Variants in GALNT15 observed in about 807,000 individuals in gnomAD.
GALNT15 encodes UDP-GalNAc transferase T15.
GALNT15 carries 67 observed loss-of-function variants against 66.8 expected under a neutral mutation model. The observed-to-expected ratio is 1.00, with a 90% confidence interval of 0.82 to 1.23. The LOEUF (loss-of-function observed/expected upper bound fraction) is 1.23, where lower values mean the gene tolerates loss of function less well. GALNT15 is among the 50% of genes most tolerant of loss of function. The pLI is 0.00. For synonymous variants in GALNT15, 313 were observed against 311.5 expected, an observed-to-expected ratio of 1.00 and a Z score of -0.05; for missense variants, 827 against 804.3, an observed-to-expected ratio of 1.03 and a Z score of -0.34.
chr3:16,201,660 C>T (rs1481535791), intron 3 of GALNT15, among the ~76,000 whole-genome samples: 1 of 152,136 alleles, frequency 6.6e-6, no homozygotes, highest in Non-Finnish European at 1.5e-5. Context: ...TAAGGCCAGT[C>T]CTTGGAAATG....
At chr3:16,202,820 T>A (rs1173881839) in intron 3 of GALNT15, among the ~76,000 whole-genome samples, 2 of 152,196 alleles carry the variant, frequency 1.3e-5, no homozygotes, top group Non-Finnish European at 2.9e-5. Flanking sequence ...ACCATGAAGA[T>A]CATCTTGTCT....
chr3:16,227,660 T>A lies in GALNT15; in HGVS notation c.*160T>A. On this transcript the variant is annotated 3_prime_UTR_variant, in exon 10 of 10. Coordinates refer to ENST00000339732, the MANE Select transcript of GALNT15 (RefSeq NM_054110.5). This position sits in a 1 kb window ranked among gnomAD's most constrained non-coding sequence, Gnocchi z 4.5. ...TGAAAGAATATAGGAAGTTTCTCCT[T>A]TTCACACCTTATTTCATTGACTGCT... 2 of 1,450,020 alleles carry A rather than the reference T, an allele frequency of 1.4e-6. No homozygotes were observed. The highest frequency in any genetic ancestry group is 1.8e-6 in the Non-Finnish European group (2 of 1,111,680). The allele number at this position is 1,450,020 out of a possible 1,614,324, so 89.8% of individuals were successfully genotyped here.
Position 16,188,875 on chromosome 3 carries a change from C to T in GALNT15, c.540-6885C>T, listed in dbSNP as rs1279058301. On this transcript the variant is annotated intron_variant, in intron 1 of 9. Coordinates refer to ENST00000339732, the MANE Select transcript of GALNT15 (RefSeq NM_054110.5). This position sits in a 1 kb window ranked among gnomAD's most constrained non-coding sequence, Gnocchi z 4.6. ...TCTCTGTCCTCACTTCCACCTCCCT[C>T]CTTGTGTCCTCTCTCTCCAAGGTCC... Among the ~76,000 whole-genome samples, 1 of 152,092 alleles carries T rather than the reference C, an allele frequency of 6.6e-6. No homozygotes were observed. Among genetic ancestry groups the T allele is most frequent in the Non-Finnish European group, 1.5e-5 (1 of 68,024 alleles).
chr3:16,192,814 T>C (rs9837560), intron 1 of GALNT15, among the ~76,000 whole-genome samples: 19,995 of 152,246 alleles, frequency 0.13, 2,419 homozygotes, highest in African/African-American at 0.32. Context: ...ACTATAAAAG[T>C]TCATATAAAG....
Position 16,195,997 on chromosome 3 carries a change from A to C in GALNT15, c.706+71A>C. 1 of 1,509,202 alleles carries C rather than the reference A, an allele frequency of 6.6e-7. No individual in the cohort carries two copies. Among genetic ancestry groups the C allele is most frequent in the African/African-American group, 1.4e-5 (1 of 72,104 alleles). 93.5% of individuals were successfully genotyped at this position (1,509,202 alleles called of 1,614,324 possible). Reference sequence around the variant, plus strand: ...CTGGCGGGTGGAGTTCTCAAGCAAAAGATTGAAGTTTGGAACTATTTTAGG... The same window carrying C: ...CTGGCGGGTGGAGTTCTCAAGCAAACGATTGAAGTTTGGAACTATTTTAGG... On this transcript the variant is annotated intron_variant, in intron 2 of 9. Coordinates refer to ENST00000339732, the MANE Select transcript of GALNT15 (RefSeq NM_054110.5). The surrounding 1 kb of genome is among the most constrained non-coding windows in gnomAD (Gnocchi z 4.6).
rs2063398104 is a variant in GALNT15 at position 16,175,559 on chromosome 3, G to A, written c.408G>A (p.Gly136=). ...AGGAAGCCCCAAAGAGGGACTGGGG[G>A]GCTGATGAGGACGGGGAGGTGTCTG... ...QDKEAPKRDW[G]ADEDGEVSEE... Residue 136 remains glycine (G), a synonymous_variant, in exon 1 of 10, where the codon GGG becomes GGA. Transcript: ENST00000339732. This position sits in a 1 kb window ranked among gnomAD's most constrained non-coding sequence, Gnocchi z 5.6. 6.2e-7 allele frequency: 1 copy of A among 1,614,020 alleles called. No individual in the cohort carries two copies. Among genetic ancestry groups the A allele is most frequent in the East Asian group, 2.2e-5 (1 of 44,874 alleles).
rs1559680527 is a variant in GALNT15 at position 16,195,808 on chromosome 3, CCT to C, written c.591_592del (p.Cys198PhefsTer3). The C allele has an allele frequency of 7.4e-6, 12 of 1,613,960 alleles. No homozygotes were observed. The highest frequency in any genetic ancestry group is 6.7e-5 in the East Asian group (3 of 44,882). ...ACAGCCTGCCCACAGCCAGCGTCATCCTCTGTTTCCATGATGAGGCCTGGTCC... is the reference window on the plus strand; with the variant it reads ...ACAGCCTGCCCACAGCCAGCGTCATCCTGTTTCCATGATGAGGCCTGGTCC... ...QDSLPTASVI[L>X]CFHDEAWSTL... On this transcript the variant is annotated frameshift_variant, in exon 2 of 10. Coordinates refer to ENST00000339732, the MANE Select transcript of GALNT15 (RefSeq NM_054110.5). LOFTEE classifies it high-confidence loss of function. The surrounding 1 kb of genome is among the most constrained non-coding windows in gnomAD (Gnocchi z 4.6).
At position 16,187,075 on chromosome 3, in the gene GALNT15, C is replaced by A. The variant is rs2063524972; in HGVS notation, c.540-8685C>A. On this transcript the variant is annotated intron_variant, in intron 1 of 9. Transcript: ENST00000339732. The surrounding 1 kb of genome is among the most constrained non-coding windows in gnomAD (Gnocchi z 5.1). ...GGTCAGGAGTTCAAGACCAGCCTGA[C>A]CAACATGGTGAAACCCCGTCTCTAC... Among the ~76,000 whole-genome samples the A allele has an allele frequency of 6.6e-6, 1 of 152,026 alleles. No homozygotes were observed. The highest frequency in any genetic ancestry group is 6.6e-5 in the Admixed American group (1 of 15,258).
At chr3:16,217,250 A>T (rs1447910968) in intron 6 of GALNT15, among the ~76,000 whole-genome samples, 2 of 152,176 alleles carry the variant, frequency 1.3e-5, no homozygotes, top group African/African-American at 4.8e-5. Flanking sequence ...TTTTCTTCTT[A>T]TATCCATTTG....
chr3:16,214,910 T>G (rs1354115838), intron 6 of GALNT15, among the ~76,000 whole-genome samples: 1 of 152,242 alleles, frequency 6.6e-6, no homozygotes, highest in African/African-American at 2.4e-5. Flanking sequence ...ACAGAGCTTC[T>G]CTGGTTTTTA....
At chr3:16,194,039 CT>C (rs2063607059) in intron 1 of GALNT15, among the ~76,000 whole-genome samples, 1 of 152,206 alleles carries the variant, frequency 6.6e-6, no homozygotes, top group Non-Finnish European at 1.5e-5. Flanking sequence ...GCAAACACCC[CT>C]GCTATCCAGC....
At chr3:16,215,916 A>AAACAAAAAAAAAAAAAAAAAAAC (rs1019009823) in intron 6 of GALNT15, among the ~76,000 whole-genome samples, 5,246 of 142,268 alleles carry the variant, frequency 0.037, 132 homozygotes, top group South Asian at 0.08. Context: ...CAAAAAAAAA[A>AAACAAAAAAAAAAAAAAAAAAAC]AAAAAAAAAG....
chr3:16,177,696 G>A (rs1388462479), intron 1 of GALNT15, among the ~76,000 whole-genome samples: 1 of 152,148 alleles, frequency 6.6e-6, no homozygotes, highest in African/African-American at 2.4e-5. Context: ...TGTTCATCTG[G>A]GTGTGTGTTG....
rs541984228 is a variant in GALNT15, at chr3:16,199,213, C to T, written c.707-1406C>T. Among the ~76,000 whole-genome samples the T allele has an allele frequency of 2.8e-5, 4 of 141,760 alleles. 1 individual carries two copies. The South Asian group carries it at 8.9e-4, about 32-fold the overall frequency. 93.0% of individuals were successfully genotyped at this position (141,760 alleles called of 152,430 possible). Reference sequence around the variant, plus strand: ...GTGTGTGTACACAGACATGCACACACACACACACATGCACTCACACACACA... The same window carrying T: ...GTGTGTGTACACAGACATGCACACATACACACACATGCACTCACACACACA... On this transcript the variant is annotated intron_variant, in intron 2 of 9. Transcript: ENST00000339732.
rs1163963348 is a variant in GALNT15 at position 16,183,133 on chromosome 3, C to T, written c.539+7443C>T. 1.3e-5 allele frequency: 2 copies of T among 152,374 alleles called. No homozygotes were observed. Among genetic ancestry groups the T allele is most frequent in the South Asian group, 2.1e-4 (1 of 4,826 alleles). The allele number at this position is 152,374 out of a possible 1,614,324, so 9.4% of individuals were successfully genotyped here. ...CAGGATCAGAGCAAGCCAAGGATCC[C>T]CTGAACCCCTCCAGAAGTGAGCTGT... On this transcript the variant is annotated intron_variant, in intron 1 of 9. Coordinates refer to ENST00000339732, the MANE Select transcript of GALNT15 (RefSeq NM_054110.5). This position sits in a 1 kb window ranked among gnomAD's most constrained non-coding sequence, Gnocchi z 5.2.
chr3:16,206,222 C>T (rs1314297179), intron 3 of GALNT15, among the ~76,000 whole-genome samples: 1 of 151,910 alleles, frequency 6.6e-6, no homozygotes, highest in Non-Finnish European at 1.5e-5. Context: ...TACACGCACA[C>T]ACACCCCCAC....
At chr3:16,241,994 A>G in the GALNT15 span, among the ~76,000 whole-genome samples, 136,398 of 152,198 alleles carry the variant, frequency 0.9, 61,487 homozygotes, top group East Asian at 1. This position sits in a 1 kb window ranked among gnomAD's most constrained non-coding sequence, Gnocchi z 4.6. Flanking sequence ...GGAGGCTGGC[A>G]GGCTGGACTC....
At chr3:16,230,599 A>C (rs557552937), downstream of GALNT15, among the ~76,000 whole-genome samples, 8 of 152,358 alleles carry the variant, frequency 5.3e-5, no homozygotes, top group East Asian at 3.9e-4. This position sits in a 1 kb window ranked among gnomAD's most constrained non-coding sequence, Gnocchi z 4.5. Context: ...GAAAAGAAAA[A>C]AACAAGGATA....
downstream of GALNT15, among the ~76,000 whole-genome samples, chr3:16,234,731 C>G (rs917213512): frequency 3.3e-5 from 5 of 152,226 alleles, no homozygotes; most frequent in Non-Finnish European, 5.9e-5. Context: ...GCTTGCATCT[C>G]TAAGAGTTAT....
Sources: gnomAD v4.1 joint callset for allele counts (sites outside exome capture counted in the v4.1 genomes callset) on GRCh38, gnomAD v4.1.1 for gene constraint, Gnocchi (gnomAD v3.1) non-coding constraint, MANE v1.5 for transcripts, NCBI Gene and HGNC (gene_info 2026-07-23, HGNC 2026-07-21) for gene names.